Variants in SPSB4 observed in about 807,000 individuals in gnomAD.
SPSB4 encodes the protein splA/ryanodine receptor domain and SOCS box containing 4.
Under a neutral mutation model 20.9 loss-of-function variants are expected in SPSB4, and 21 were observed. The observed-to-expected ratio is 1.01, with a 90% CI of 0.71 to 1.45. The LOEUF (loss-of-function observed/expected upper bound fraction) is 1.45. Among genes scored for constraint, SPSB4 ranks in the 40% most tolerant of loss-of-function variants. The probability of loss-of-function intolerance (pLI) is 0.00; values close to 1 mark genes in which losing one functional copy is unlikely to be tolerated. For missense variants in SPSB4, 399 were observed against 399.2 expected (o/e 1.00, Z 0.00); for synonymous variants, 207 against 183.8 (o/e 1.13, Z -1.02).
intron 1 of SPSB4, among the ~76,000 whole-genome samples, chr3:141,054,894 C>T (rs1044343213): frequency 1.3e-5 from 2 of 151,356 alleles, no homozygotes; most frequent in South Asian, 2.1e-4. Context: ...GAACCTGGGA[C>T]GCAGAGCTTG....
At chr3:141,134,049 C>CTT (rs1939184001) in intron 2 of SPSB4, among the ~76,000 whole-genome samples, 15 of 63,892 alleles carry the variant, frequency 2.3e-4, no homozygotes, top group South Asian at 5.1e-4. Flanking sequence ...TTTTTTTTTT[C>CTT]TTTTTTCTTT....
intron 2 of SPSB4, among the ~76,000 whole-genome samples, chr3:141,141,821 G>T (rs749668115): frequency 6.6e-6 from 1 of 152,070 alleles, no homozygotes; most frequent in Non-Finnish European, 1.5e-5. Flanking sequence ...AAATTTTCTA[G>T]TTTGTATGTG....
In SPSB4 at chr3:141,142,688, A is replaced by C. The variant is rs114514046; in HGVS notation, c.695-4454A>C. On this transcript the variant is annotated intron_variant, in intron 2 of 2. Transcript: ENST00000310546. ...GTTGTCTATCTCATTTCTTATGTCT[A>C]GTCATAATTGTTTTATAAATTTGGG... Among the ~76,000 whole-genome samples, 1,101 of 150,196 alleles carry C rather than the reference A, an allele frequency of 7.3e-3. 15 individuals carry two copies. Among genetic ancestry groups the C allele is most frequent in the African/African-American group, 0.024 (976 of 40,960 alleles).
chr3:141,075,892 CAAAAA>C (rs532646509), intron 2 of SPSB4, among the ~76,000 whole-genome samples: 1,486 of 68,842 alleles, frequency 0.022, 25 homozygotes, highest in African/African-American at 0.049. Context: ...ACTAAAAATA[CAAAAA>C]AAAAAAAAAA....
At chr3:141,122,976 G>A (rs149295276) in intron 2 of SPSB4, among the ~76,000 whole-genome samples, 438 of 152,290 alleles carry the variant, frequency 2.9e-3, no homozygotes, top group African/African-American at 0.01. Context: ...CAAATGAGAT[G>A]AACCAGGTAC....
chr3:141,082,618 G>GCTATCTATCTATCTATCTAT (rs57148827), intron 2 of SPSB4, among the ~76,000 whole-genome samples: 23 of 146,414 alleles, frequency 1.6e-4, no homozygotes, highest in South Asian at 2.3e-4. Flanking sequence ...CAACCCAGGT[G>GCTATCTATCTATCTATCTAT]CTATCTATCT....
chr3:141,129,120 A>G (rs1229874263), intron 2 of SPSB4, among the ~76,000 whole-genome samples: 2 of 152,206 alleles, frequency 1.3e-5, no homozygotes, highest in Non-Finnish European at 2.9e-5. Flanking sequence ...TCCTGTCAGT[A>G]CTGAGTCAGG....
intron 2 of SPSB4, among the ~76,000 whole-genome samples, chr3:141,100,917 G>C (rs1197428983): frequency 1.3e-5 from 2 of 152,078 alleles, no homozygotes; most frequent in Admixed American, 6.5e-5. Context: ...CTCAACAAAG[G>C]GTCCCTGTGA....
At chr3:141,071,730 G>C (rs1250591585) in intron 2 of SPSB4, among the ~76,000 whole-genome samples, 1 of 152,216 alleles carries the variant, frequency 6.6e-6, no homozygotes, top group African/African-American at 2.4e-5. Flanking sequence ...CTTTCACAGG[G>C]TGGAGCGTGG....
chr3:141,060,061 G>A (rs1315418848), intron 1 of SPSB4, among the ~76,000 whole-genome samples: 1 of 152,178 alleles, frequency 6.6e-6, no homozygotes, highest in Non-Finnish European at 1.5e-5. Flanking sequence ...TACTGGGGGA[G>A]CAGCAAAGGG....
chr3:141,104,624 T>TG (rs1938661292), intron 2 of SPSB4, among the ~76,000 whole-genome samples: 1 of 152,160 alleles, frequency 6.6e-6, no homozygotes, highest in Non-Finnish European at 1.5e-5. Context: ...AGGTGGCCGG[T>TG]GTCAGGCAGG....
At chr3:141,078,203 T>C (rs1177177430) in intron 2 of SPSB4, among the ~76,000 whole-genome samples, 1 of 152,240 alleles carries the variant, frequency 6.6e-6, no homozygotes, top group African/African-American at 2.4e-5. Context: ...GCTTGGCCCT[T>C]AGCATACTTG....
At position 141,108,948 on chromosome 3, in the gene SPSB4, G is replaced by A. The variant is rs547232193; in HGVS notation, c.695-38194G>A. Among the ~76,000 whole-genome samples, 174 of 152,210 alleles carry A rather than the reference G, an allele frequency of 1.1e-3. 1 individual carries two copies. The highest frequency in any genetic ancestry group is 2.1e-3 in the Non-Finnish European group (145 of 68,036). On this transcript the variant is annotated intron_variant, in intron 2 of 2. Coordinates refer to ENST00000310546, the MANE Select transcript of SPSB4 (RefSeq NM_080862.3). ...GTTGTGAGAAGTCCAAGGTGCATAC[G>A]AGGAAGAGAGCAGTCAGCAAAGAGA...
chr3:141,071,036 A>C (rs1937992736), intron 2 of SPSB4, among the ~76,000 whole-genome samples: 1 of 152,212 alleles, frequency 6.6e-6, no homozygotes, highest in East Asian at 1.9e-4. Flanking sequence ...TCCAGCCCTC[A>C]AAGCTCTTGG....
At chr3:141,074,344 G>A (rs963046011) in intron 2 of SPSB4, among the ~76,000 whole-genome samples, 6 of 152,094 alleles carry the variant, frequency 3.9e-5, no homozygotes, top group South Asian at 2.1e-4. Flanking sequence ...CTGAAAAAGC[G>A]GTAGGTTTAA....
chr3:141,110,140 G>A (rs1938772653), intron 2 of SPSB4, among the ~76,000 whole-genome samples: 1 of 152,250 alleles, frequency 6.6e-6, no homozygotes, highest in African/African-American at 2.4e-5. Flanking sequence ...GCTTCTTTCA[G>A]GAACCCAGAG....
chr3:141,135,253 T>A (rs1397734615), intron 2 of SPSB4, among the ~76,000 whole-genome samples: 1 of 151,930 alleles, frequency 6.6e-6, no homozygotes, highest in East Asian at 1.9e-4. Flanking sequence ...GAAGTTTTTG[T>A]TTTGTGTGGC....
intron 2 of SPSB4, among the ~76,000 whole-genome samples, chr3:141,122,233 T>G (rs565908428): frequency 1.2e-3 from 184 of 152,298 alleles, no homozygotes; most frequent in Non-Finnish European, 2.3e-3. Context: ...TTTGCCTGGG[T>G]ATCACCAGCA....
At chr3:141,089,303 C>T (rs1488610285) in intron 2 of SPSB4, among the ~76,000 whole-genome samples, 1 of 152,166 alleles carries the variant, frequency 6.6e-6, no homozygotes, top group Non-Finnish European at 1.5e-5. Flanking sequence ...CAAAGATTGG[C>T]CAAAACGGTT....
Sources: gnomAD v4.1 joint callset for allele counts (sites outside exome capture counted in the v4.1 genomes callset) on GRCh38, gnomAD v4.1.1 for gene constraint, MANE v1.5 for transcripts, NCBI Gene and HGNC (gene_info 2026-07-23, HGNC 2026-07-21) for gene names.